The following ADGRL3 variants were observed in gnomAD, a reference collection of about 807,000 sequenced individuals.
The protein encoded by ADGRL3 is calcium-independent alpha-latrotoxin receptor 3.
ADGRL3 carries 62 observed loss-of-function variants against 153.5 expected under a neutral mutation model. The ratio of observed to expected loss-of-function variants is 0.40; its 90% CI spans 0.33 to 0.50. The LOEUF (loss-of-function observed/expected upper bound fraction) is 0.50, where lower values mean the gene tolerates loss of function less well. ADGRL3 is among the 20% of genes least tolerant of loss of function. The probability of loss-of-function intolerance (pLI) is 0.47; values close to 1 mark genes in which losing one functional copy is unlikely to be tolerated. For missense variants in ADGRL3, 1,641 were observed against 1,859.4 expected, an observed-to-expected ratio of 0.88 and a Z score of 2.16; for synonymous variants, 710 against 672.5, an observed-to-expected ratio of 1.06 and a Z score of -0.86.
At chr4:61,510,934 T>C (rs1015848140) in intron 3 of ADGRL3, among the ~76,000 whole-genome samples, 4 of 152,208 alleles carry the variant, frequency 2.6e-5, no homozygotes, top group Admixed American at 6.5e-5. Context: ...CATCTCTGAT[T>C]TCTTTGAGCA....
chr4:61,471,053 A>G (rs566697044), intron 2 of ADGRL3, among the ~76,000 whole-genome samples: 3 of 151,970 alleles, frequency 2.0e-5, no homozygotes, highest in Non-Finnish European at 2.9e-5. Context: ...TCCCTGAACA[A>G]TGTCTTTTTA....
At position 61,259,954 on chromosome 4, in the gene ADGRL3, TACTA is replaced by T. The variant is rs527905272; in HGVS notation, c.-240+58190_-240+58193del. Among the ~76,000 whole-genome samples the T allele has an allele frequency of 2.4e-4, 36 of 152,326 alleles. No individual in the cohort carries two copies. The South Asian group carries it at 7.5e-3, about 32-fold the overall frequency. ...TTGAATAAGTACTTGAATCTAACAC[TACTA>T]GAGGCTTCAGGGATTCCCCCCAAAA... On this transcript the variant is annotated intron_variant, in intron 1 of 26. Coordinates refer to ENST00000683033, the MANE Select transcript of ADGRL3 (RefSeq NM_001387552.1).
At chr4:61,794,994 C>T (rs1019818266) in intron 8 of ADGRL3, among the ~76,000 whole-genome samples, 1 of 152,152 alleles carries the variant, frequency 6.6e-6, no homozygotes, top group African/African-American at 2.4e-5. Flanking sequence ...AATTCCTATG[C>T]AGTAAAAGCA....
intron 23 of ADGRL3, among the ~76,000 whole-genome samples, chr4:62,034,221 G>T (rs1723743393): frequency 6.6e-6 from 1 of 151,668 alleles, no homozygotes; most frequent in African/African-American, 2.4e-5. Context: ...TATTTTTACA[G>T]CCAGGAAGTC....
chr4:61,215,501 A>T (rs1384542714), intron 1 of ADGRL3, among the ~76,000 whole-genome samples: 3 of 151,102 alleles, frequency 2.0e-5, no homozygotes, highest in Non-Finnish European at 2.9e-5. Flanking sequence ...GCCCAAAGTT[A>T]CATGGCAGTT....
chr4:61,603,203 A>C (rs1013736658), intron 5 of ADGRL3, among the ~76,000 whole-genome samples: 3 of 152,152 alleles, frequency 2.0e-5, no homozygotes, highest in Admixed American at 2.0e-4. Context: ...AATTAACAGG[A>C]ATAGAATTTT....
At chr4:61,318,739 A>G (rs1258545098) in intron 1 of ADGRL3, among the ~76,000 whole-genome samples, 1 of 152,186 alleles carries the variant, frequency 6.6e-6, no homozygotes, top group Non-Finnish European at 1.5e-5. Context: ...CTCTGATTAT[A>G]GTGCACACCA....
intron 11 of ADGRL3, among the ~76,000 whole-genome samples, chr4:61,900,878 G>A (rs756077772): frequency 1.3e-4 from 20 of 152,166 alleles, no homozygotes; most frequent in Non-Finnish European, 2.6e-4. Context: ...TTGACTCAGA[G>A]CCATGCCTCC....
At chr4:61,558,124 G>GTAGGAATCATATATATATGTATATATATA (rs2098775861) in intron 4 of ADGRL3, among the ~76,000 whole-genome samples, 1 of 140,268 alleles carries the variant, frequency 7.1e-6, no homozygotes, top group South Asian at 2.3e-4. Flanking sequence ...ATATATATAT[G>GTAGGAATCATATATATATGTATATATATA]TAGGAATCAT....
intron 17 of ADGRL3, among the ~76,000 whole-genome samples, chr4:61,974,899 A>G (rs1160215227): frequency 6.6e-6 from 1 of 152,162 alleles, no homozygotes; most frequent in Non-Finnish European, 1.5e-5. Flanking sequence ...TTTAAGAGGA[A>G]GAGTCCCAAG....
chr4:61,591,507 T>C (rs1427898708), intron 5 of ADGRL3, among the ~76,000 whole-genome samples: 1 of 152,150 alleles, frequency 6.6e-6, no homozygotes, highest in Non-Finnish European at 1.5e-5. Context: ...AAGTTAAATT[T>C]AATGGGCTTT....
At chr4:61,708,208 C>T (rs1460338187) in intron 6 of ADGRL3, among the ~76,000 whole-genome samples, 4 of 152,132 alleles carry the variant, frequency 2.6e-5, no homozygotes, top group Non-Finnish European at 5.9e-5. Flanking sequence ...AAAGTGGCCA[C>T]TGTGCCAACA....
At chr4:61,305,666 G>C (rs982137232) in intron 1 of ADGRL3, among the ~76,000 whole-genome samples, 2 of 152,068 alleles carry the variant, frequency 1.3e-5, no homozygotes, top group Non-Finnish European at 2.9e-5. Context: ...GTCTTTCCCT[G>C]TTTGGTGTTG....
rs554195791 is a variant in ADGRL3 at position 61,474,257 on chromosome 4, C to T, written c.-173-22864C>T. Reference sequence around the variant, plus strand: ...ATTTACATGCAAGTGTCCTTTTATGCGAATAACTTCTAAATAGGGAAAATA... The same window carrying T: ...ATTTACATGCAAGTGTCCTTTTATGTGAATAACTTCTAAATAGGGAAAATA... On this transcript the variant is annotated intron_variant, in intron 2 of 26. Transcript: ENST00000683033. Among the ~76,000 whole-genome samples, 61 of 152,210 alleles carry T rather than the reference C, an allele frequency of 4.0e-4. No homozygotes were observed. The East Asian group carries it at 8.9e-3, about 22-fold the overall frequency.
chr4:61,897,454 A>T lies in ADGRL3; in HGVS notation c.1887+1620A>T, dbSNP rs1000157445. On this transcript the variant is annotated intron_variant, in intron 11 of 26. Transcript: ENST00000683033. ...TTACCTTCATCAAGACATCATACTT[A>T]ACCACAACACTGGTTAAACCATGGA... Among the ~76,000 whole-genome samples, 7 of 152,282 alleles carry T rather than the reference A, an allele frequency of 4.6e-5. No individual in the cohort carries two copies. In the East Asian group the frequency reaches 1.4e-3, roughly 30 times the overall value.
At chr4:62,040,498 T>C (rs1424073981) in intron 24 of ADGRL3, among the ~76,000 whole-genome samples, 1 of 151,998 alleles carries the variant, frequency 6.6e-6, no homozygotes, top group Non-Finnish European at 1.5e-5. Context: ...CATAAGCAAA[T>C]GCTAAAATAT....
intron 8 of ADGRL3, among the ~76,000 whole-genome samples, chr4:61,771,366 CA>C (rs1561222259): frequency 6.6e-6 from 1 of 152,102 alleles, no homozygotes; most frequent in Non-Finnish European, 1.5e-5. Context: ...TGCATAATTC[CA>C]TATTAGGAGA....
At chr4:61,664,002 A>G (rs2094698180) in intron 5 of ADGRL3, among the ~76,000 whole-genome samples, 1 of 152,186 alleles carries the variant, frequency 6.6e-6, no homozygotes, top group African/African-American at 2.4e-5. Flanking sequence ...GCCTATAGCA[A>G]CTGAATAGAT....
chr4:61,404,786 C>CAATA (rs2096973036), intron 2 of ADGRL3, among the ~76,000 whole-genome samples: 1 of 151,956 alleles, frequency 6.6e-6, no homozygotes, highest in Admixed American at 6.6e-5. Context: ...TTCATGTTTT[C>CAATA]AATAATCAAG....
Sources: gnomAD v4.1 joint callset for allele counts (sites outside exome capture counted in the v4.1 genomes callset) on GRCh38, gnomAD v4.1.1 for gene constraint, MANE v1.5 for transcripts, NCBI Gene and HGNC (gene_info 2026-07-23, HGNC 2026-07-21) for gene names.